The following TTC7A variants were observed in gnomAD, a reference collection of about 807,000 sequenced individuals.
TTC7A encodes tetratricopeptide repeat protein 7A.
TTC7A carries 110 observed loss-of-function variants against 103.7 expected under a neutral mutation model. The ratio of observed to expected loss-of-function variants is 1.06; its 90% CI spans 0.91 to 1.24. The LOEUF (loss-of-function observed/expected upper bound fraction) is 1.24, where lower values mean the gene tolerates loss of function less well. Ranked by LOEUF, TTC7A falls within the 50% of genes most tolerant of loss-of-function variation. The pLI is 0.00. For synonymous variants in TTC7A, 521 were observed against 467.9 expected (o/e 1.11, Z -1.47); for missense variants, 1,340 against 1,116.3 (o/e 1.20, Z -2.86).
intron 11 of TTC7A, among the ~76,000 whole-genome samples, chr2:47,017,200 CAAAAAAAAA>C (rs70940652): frequency 8.4e-5 from 3 of 35,590 alleles, no homozygotes; most frequent in African/African-American, 2.5e-4. Context: ...CACTCTGTCT[CAAAAAAAAA>C]AAAAAAAAAA....
chr2:46,919,045 G>T (rs1321063646), intron 2 of TTC7A, among the ~76,000 whole-genome samples: 1 of 152,168 alleles, frequency 6.6e-6, no homozygotes. Context: ...ATGGCCTCTA[G>T]GTGGCATCTC....
chr2:47,024,781 A>G (rs1679706175), intron 14 of TTC7A, among the ~76,000 whole-genome samples: 1 of 151,962 alleles, frequency 6.6e-6, no homozygotes, highest in Admixed American at 6.6e-5. Flanking sequence ...CTGTGTGGAC[A>G]CCACCATCAG....
chr2:47,045,052 G>A (rs1048871276), intron 15 of TTC7A, among the ~76,000 whole-genome samples: 5 of 152,212 alleles, frequency 3.3e-5, no homozygotes, highest in Non-Finnish European at 7.3e-5. Flanking sequence ...AGAACCTCCG[G>A]GCAGTGATCA....
intron 15 of TTC7A, among the ~76,000 whole-genome samples, chr2:47,042,563 G>T (rs1681868479): frequency 6.6e-6 from 1 of 152,098 alleles, no homozygotes; most frequent in Non-Finnish European, 1.5e-5. Flanking sequence ...CTCTGTGTCT[G>T]CAGTTTCTCG....
At chr2:46,951,479 G>C in intron 2 of TTC7A, 1 of 439,734 alleles carries the variant, frequency 2.3e-6, no homozygotes, top group Non-Finnish European at 4.5e-6. Context: ...AAAGAGGAGG[G>C]GGAGGGGGTA....
chr2:47,025,764 C>G (rs2104571851), intron 14 of TTC7A, among the ~76,000 whole-genome samples: 1 of 152,304 alleles, frequency 6.6e-6, no homozygotes, highest in South Asian at 2.1e-4. Context: ...GCCCCTCCCC[C>G]TGTGACTCCC....
chr2:46,999,334 A>G (rs1480199226), intron 8 of TTC7A: 1 of 193,248 alleles, frequency 5.2e-6, no homozygotes, highest in East Asian at 1.9e-4. Flanking sequence ...TCATCTGTCC[A>G]CCTATTCATC....
At chr2:46,921,791 G>A (rs1224116295) in intron 2 of TTC7A, among the ~76,000 whole-genome samples, 1 of 152,128 alleles carries the variant, frequency 6.6e-6, no homozygotes, top group African/African-American at 2.4e-5. Flanking sequence ...CATAAGGAGT[G>A]TGCAACCTAG....
intron 16 of TTC7A, 62 bp from the exon 17 acceptor site, chr2:47,049,886 TC>T: frequency 7.9e-7 from 1 of 1,262,706 alleles, no homozygotes; most frequent in Admixed American, 1.8e-5. Context: ...GCCCTCTACC[TC>T]ACTGGGCCCT....
chr2:46,953,831 T>C (rs1452685113), intron 2 of TTC7A, among the ~76,000 whole-genome samples: 1 of 151,944 alleles, frequency 6.6e-6, no homozygotes, highest in South Asian at 2.1e-4. Context: ...TTTTTTTTTT[T>C]TTCAATTTTT....
chr2:46,997,341 G>C (rs1676309398), intron 8 of TTC7A, among the ~76,000 whole-genome samples: 1 of 152,102 alleles, frequency 6.6e-6, no homozygotes, highest in South Asian at 2.1e-4. Context: ...ACAGGTAGGT[G>C]GTGAAAGGCT....
In TTC7A at chr2:46,941,813, C is replaced by T; in HGVS notation, c.184+88C>T. On this transcript the variant is annotated intron_variant, in intron 1 of 19. Coordinates refer to ENST00000319190, the MANE Select transcript of TTC7A (RefSeq NM_020458.4). The surrounding 1 kb of genome is among the most constrained non-coding windows in gnomAD (Gnocchi z 4.2). Reference sequence around the variant, plus strand: ...GAAGCGCGCCCAGACAGTCCTCGGCCGACAGCGGGCGCCTGCCAGCCCACC... The same window carrying T: ...GAAGCGCGCCCAGACAGTCCTCGGCTGACAGCGGGCGCCTGCCAGCCCACC... The T allele has an allele frequency of 1.3e-6, 2 of 1,495,620 alleles. No homozygotes were observed. Among genetic ancestry groups the T allele is most frequent in the Admixed American group, 2.1e-5 (1 of 48,406 alleles). The allele number at this position is 1,495,620 out of a possible 1,614,324, so 92.6% of individuals were successfully genotyped here. A position where few individuals can be genotyped will look rare whatever the true frequency, so the allele number is the denominator to read the frequency against.
intron 1 of TTC7A, among the ~76,000 whole-genome samples, chr2:46,948,709 C>T (rs1223488818): frequency 6.6e-6 from 1 of 152,050 alleles, no homozygotes; most frequent in African/African-American, 2.4e-5. Context: ...ATTCTTCCAC[C>T]TCAGCCTCCC....
At chr2:47,056,097 G>A (rs1207117222) in intron 18 of TTC7A, among the ~76,000 whole-genome samples, 1 of 152,194 alleles carries the variant, frequency 6.6e-6, no homozygotes, top group African/African-American at 2.4e-5. Context: ...AGGTCCCAGG[G>A]ATGGAGGGTC....
chr2:47,033,904 G>A (rs2104619906), intron 15 of TTC7A, among the ~76,000 whole-genome samples: 1 of 152,328 alleles, frequency 6.6e-6, no homozygotes, highest in South Asian at 2.1e-4. Flanking sequence ...AAGCTCTGGG[G>A]AAAGGTTAGT....
At position 46,993,449 on chromosome 2, in the gene TTC7A, G is replaced by C. The variant is rs1675829803; in HGVS notation, c.765-1G>C. The C allele has an allele frequency of 6.2e-7, 1 of 1,614,068 alleles. No individual in the cohort carries two copies. The highest frequency in any genetic ancestry group is 8.5e-7 in the Non-Finnish European group (1 of 1,180,016). ...ATCTACTTCTGCCGTCCTCCCACCA[G>C]GAACATCGTGAAGGGCATGAGAGAG... On this transcript the variant is annotated splice_acceptor_variant, in intron 5 of 19. Coordinates refer to ENST00000319190, the MANE Select transcript of TTC7A (RefSeq NM_020458.4). LOFTEE classifies it high-confidence loss of function.
intron 16 of TTC7A, chr2:47,046,936 A>T (rs779426167): frequency 1.8e-5 from 5 of 283,210 alleles, no homozygotes; most frequent in South Asian, 7.0e-5. Flanking sequence ...GAGGAGGAGG[A>T]GGTGTACTCC....
rs976489529 is a variant in TTC7A at position 47,069,978 on chromosome 2, A to G, written c.2356-3724A>G. Reference sequence around the variant, plus strand: ...AAAGAAAATTCCCAAAATAACTTCTATAAATACTTGAGGGCAGGGGTGGGG... The same window carrying G: ...AAAGAAAATTCCCAAAATAACTTCTGTAAATACTTGAGGGCAGGGGTGGGG... On this transcript the variant is annotated intron_variant, in intron 19 of 19. Coordinates refer to ENST00000319190, the MANE Select transcript of TTC7A (RefSeq NM_020458.4). 3.3e-5 allele frequency among the ~76,000 whole-genome samples: 5 copies of G among 152,116 alleles called. No individual in the cohort carries two copies. In the East Asian group the frequency reaches 5.8e-4, roughly 18 times the overall value.
At chr2:46,980,675 A>T (rs973675768) in intron 5 of TTC7A, among the ~76,000 whole-genome samples, 1 of 152,198 alleles carries the variant, frequency 6.6e-6, no homozygotes, top group Non-Finnish European at 1.5e-5. Context: ...GGCAGGGGAA[A>T]TGGAAGGAGT....
Sources: gnomAD v4.1 joint callset for allele counts (sites outside exome capture counted in the v4.1 genomes callset) on GRCh38, gnomAD v4.1.1 for gene constraint, Gnocchi (gnomAD v3.1) non-coding constraint, MANE v1.5 for transcripts, NCBI Gene and HGNC (gene_info 2026-07-23, HGNC 2026-07-21) for gene names.